The following MAGI2 variants were observed in gnomAD, a reference collection of about 807,000 sequenced individuals.
MAGI2 encodes membrane-associated guanylate kinase, WW and PDZ domain-containing protein 2.
Under a neutral mutation model 133.3 loss-of-function variants are expected in MAGI2, and 35 were observed. The ratio of observed to expected loss-of-function variants is 0.26; its 90% confidence interval spans 0.20 to 0.35. The LOEUF is 0.35. MAGI2 is among the 10% of genes least tolerant of loss of function. The pLI, the probability that MAGI2 is intolerant of heterozygous loss-of-function variation, is 1.00. For missense variants in MAGI2, 1,636 were observed against 1,863.4 expected (o/e 0.88, Z 2.25); for synonymous variants, 729 against 710.6 (o/e 1.03, Z -0.41).
At chr7:78,431,409 T>G (rs1320852886) in intron 6 of MAGI2, among the ~76,000 whole-genome samples, 1 of 152,072 alleles carries the variant, frequency 6.6e-6, no homozygotes, top group Non-Finnish European at 1.5e-5. Flanking sequence ...TTCAATATGA[T>G]TATCCTATGG....
intron 1 of MAGI2, among the ~76,000 whole-genome samples, chr7:79,045,336 T>C (rs1057114076): frequency 9.2e-5 from 14 of 152,216 alleles, no homozygotes; most frequent in African/African-American, 3.4e-4. Context: ...CTGAAGTGTA[T>C]GCTTAAAATG....
chr7:79,006,040 G>C lies in MAGI2; in HGVS notation c.418+1050C>G, dbSNP rs547766342. On this transcript the variant is annotated intron_variant, in intron 2 of 21. Coordinates refer to ENST00000354212, the MANE Select transcript of MAGI2 (RefSeq NM_012301.4). ...AAAAGTCCACCTCTCCTAAAAGGTG[G>C]GTAGGTCAATAGGGCTGGGTGATAA... 1.2e-4 allele frequency among the ~76,000 whole-genome samples: 18 copies of C among 152,202 alleles called. No homozygotes were observed. In the South Asian group the frequency reaches 3.7e-3, roughly 32 times the overall value.
chr7:79,001,576 T>A (rs1250042084), intron 2 of MAGI2, among the ~76,000 whole-genome samples: 2 of 152,218 alleles, frequency 1.3e-5, no homozygotes, highest in East Asian at 3.9e-4. Context: ...GCCGTGATTA[T>A]TTTTTCCTCA....
intron 3 of MAGI2, among the ~76,000 whole-genome samples, chr7:78,604,867 T>C (rs1414373346): frequency 6.6e-6 from 1 of 152,278 alleles, no homozygotes; most frequent in Non-Finnish European, 1.5e-5. Context: ...ATTTTCTTAA[T>C]ATCTATTCAT....
chr7:78,858,689 G>T (rs1310198866), intron 2 of MAGI2, among the ~76,000 whole-genome samples: 3 of 152,152 alleles, frequency 2.0e-5, no homozygotes, highest in African/African-American at 7.2e-5. Context: ...GTCAATTTTG[G>T]AATAAGTGTT....
chr7:78,048,361 T>C (rs1426481062), intron 21 of MAGI2, among the ~76,000 whole-genome samples: 1 of 152,186 alleles, frequency 6.6e-6, no homozygotes, highest in African/African-American at 2.4e-5. Context: ...ATAGAATCTG[T>C]ATTTTCACAT....
chr7:78,303,202 AC>A (rs1160941942), intron 9 of MAGI2, among the ~76,000 whole-genome samples: 1 of 151,752 alleles, frequency 6.6e-6, no homozygotes, highest in African/African-American at 2.4e-5. Context: ...ACATGGTGAA[AC>A]CCCGTCTCTA....
At chr7:78,273,779 C>G (rs572983684) in intron 9 of MAGI2, among the ~76,000 whole-genome samples, 2 of 152,092 alleles carry the variant, frequency 1.3e-5, no homozygotes, top group African/African-American at 4.8e-5. Context: ...TGTTTTTCAG[C>G]TCCATCAGGT....
intron 9 of MAGI2, among the ~76,000 whole-genome samples, chr7:78,278,063 G>T (rs955862649): frequency 2.0e-5 from 3 of 152,134 alleles, no homozygotes; most frequent in Non-Finnish European, 4.4e-5. Context: ...CTCCAGAGGG[G>T]AAACAAAAGG....
chr7:78,512,074 G>A (rs1334002551), intron 4 of MAGI2, among the ~76,000 whole-genome samples: 1 of 151,388 alleles, frequency 6.6e-6, no homozygotes, highest in African/African-American at 2.4e-5. Flanking sequence ...GGTGAGCGGA[G>A]ATCGTGCCAC....
chr7:79,027,840 T>C (rs774684410), intron 1 of MAGI2, among the ~76,000 whole-genome samples: 22 of 152,128 alleles, frequency 1.4e-4, no homozygotes, highest in Non-Finnish European at 2.5e-4. Context: ...ATCATGTGAC[T>C]ACCCAAGAAT....
intron 2 of MAGI2, among the ~76,000 whole-genome samples, chr7:78,681,824 G>T (rs957060559): frequency 1.3e-5 from 2 of 152,060 alleles, no homozygotes; most frequent in Admixed American, 6.6e-5. Flanking sequence ...AGAAGAAGAA[G>T]AATTTGCATA....
intron 1 of MAGI2, among the ~76,000 whole-genome samples, chr7:79,381,725 C>A (rs1220141266): frequency 6.6e-6 from 1 of 151,636 alleles, no homozygotes; most frequent in Non-Finnish European, 1.5e-5. Flanking sequence ...GAAGACTAAA[C>A]AAGATAATAA....
chr7:78,270,238 TG>T (rs1794431597), intron 9 of MAGI2, among the ~76,000 whole-genome samples: 1 of 152,230 alleles, frequency 6.6e-6, no homozygotes, highest in South Asian at 2.1e-4. Flanking sequence ...AGGATTGTCT[TG>T]GCTGTGAGGG....
intron 9 of MAGI2, among the ~76,000 whole-genome samples, chr7:78,288,876 G>A (rs959690327): frequency 1.5e-4 from 23 of 152,210 alleles, no homozygotes; most frequent in African/African-American, 5.3e-4. Flanking sequence ...TAACAGACCT[G>A]CAGCTGAGGA....
At chr7:78,892,282 A>C (rs985923692) in intron 2 of MAGI2, among the ~76,000 whole-genome samples, 72 of 152,354 alleles carry the variant, frequency 4.7e-4, no homozygotes, top group African/African-American at 1.5e-3. Flanking sequence ...AAGAATCAAT[A>C]TCATGAAAAT....
chr7:79,108,787 G>T (rs1220062379), intron 1 of MAGI2, among the ~76,000 whole-genome samples: 2 of 152,172 alleles, frequency 1.3e-5, no homozygotes, highest in Non-Finnish European at 1.5e-5. Flanking sequence ...TTGGTGGGAG[G>T]TGTTTAGATC....
intron 1 of MAGI2, among the ~76,000 whole-genome samples, chr7:79,243,142 A>G (rs1299828080): frequency 5.9e-5 from 9 of 152,182 alleles, no homozygotes; most frequent in Non-Finnish European, 1.3e-4. Context: ...CAACAAAAAA[A>G]GAAAAGACAA....
At chr7:78,326,083 C>A (rs1397700678) in intron 9 of MAGI2, among the ~76,000 whole-genome samples, 1 of 152,162 alleles carries the variant, frequency 6.6e-6, no homozygotes, top group Non-Finnish European at 1.5e-5. Flanking sequence ...TCAGGCATAA[C>A]AGACAAGCTG....
Sources: gnomAD v4.1 joint callset for allele counts (sites outside exome capture counted in the v4.1 genomes callset) on GRCh38, gnomAD v4.1.1 for gene constraint, MANE v1.5 for transcripts, NCBI Gene and HGNC (gene_info 2026-07-23, HGNC 2026-07-21) for gene names.